LOXL2: variants seen among roughly 807,000 people sequenced by gnomAD.
LOXL2 encodes the protein lysyl oxidase homolog 2.
A neutral mutation model predicts 93.0 loss-of-function variants in LOXL2; 70 were observed. The observed-to-expected ratio is 0.75, with a 90% CI of 0.62 to 0.92. The LOEUF is 0.92. LOXL2 is among the 40% of genes least tolerant of loss of function. LOXL2 has a pLI of 0.00. For synonymous variants in LOXL2, 438 were observed against 413.2 expected (o/e 1.06, Z -0.73); for missense variants, 973 against 1,054.9 (o/e 0.92, Z 1.08).
Position 23,368,354 on chromosome 8 carries a change from C to A in LOXL2, c.-3G>T. ...TGGGAGCACAGAGGCCTCTCCATCC[C>A]TGTCTTCGGGCTGATGATCCCACGA... is the stretch of plus-strand genomic sequence containing the variant. On this transcript the variant is annotated 5_prime_UTR_variant, in exon 2 of 14. The change creates a new upstream start codon in the 5' untranslated region. Coordinates refer to ENST00000389131, the MANE Select transcript of LOXL2 (RefSeq NM_002318.3). The A allele has an allele frequency of 6.2e-7, 1 of 1,610,104 alleles. No individual in the cohort carries two copies.
chr8:23,355,051 C>T (rs1055606228), intron 3 of LOXL2, among the ~76,000 whole-genome samples: 10 of 147,820 alleles, frequency 6.8e-5, no homozygotes, highest in African/African-American at 9.9e-5. Context: ...CTCCCTCTCC[C>T]GGGTTCAACC....
chr8:23,298,095 T>G lies in LOXL2; in HGVS notation c.2273A>C (p.Lys758Thr). Residue 758 changes from lysine to threonine, a missense_variant, in exon 14 of 14, where the codon AAA becomes ACA. By Grantham distance (78) the Lys-to-Thr change is moderately conservative. Coordinates refer to ENST00000389131, the MANE Select transcript of LOXL2 (RefSeq NM_002318.3). ...GAGCCCGCTGAAGTGCTCAAACTTT[T>G]TTTCCGTCTCTTCGCTGAAGGAACC... is the stretch of plus-strand genomic sequence containing the variant. ...IGGSFSEETEKKFEHFSGLLN... is the reference protein window; with the variant it reads ...IGGSFSEETETKFEHFSGLLN... The G allele has an allele frequency of 2.5e-6, 4 of 1,613,808 alleles. No homozygotes were observed. Among genetic ancestry groups the G allele is most frequent in the Middle Eastern group, 1.7e-4 (1 of 5,766 alleles).
In LOXL2 at chr8:23,395,494, G is replaced by T. The variant is rs539596736; in HGVS notation, c.-84+8460C>A. The stretch of plus-strand genomic sequence containing the variant: ...GATGAAAACATTTTAAAGTTGACTG[G>T]GGTGATATTTGCACATATCTGTGAA... On this transcript the variant is annotated intron_variant, in intron 1 of 13. Coordinates refer to ENST00000389131, the MANE Select transcript of LOXL2 (RefSeq NM_002318.3). Among the ~76,000 whole-genome samples the T allele has an allele frequency of 3.9e-5, 6 of 152,202 alleles. No individual in the cohort carries two copies. The East Asian group carries it at 1.2e-3, about 29-fold the overall frequency.
intron 9 of LOXL2, among the ~76,000 whole-genome samples, chr8:23,316,427 C>T (rs778308711): frequency 2.6e-5 from 4 of 152,112 alleles, no homozygotes; most frequent in African/African-American, 4.8e-5. Flanking sequence ...GTCTACTGCT[C>T]CTCTTCTCTC....
chr8:23,384,369 G>A (rs1344771283), intron 1 of LOXL2, among the ~76,000 whole-genome samples: 1 of 152,196 alleles, frequency 6.6e-6, no homozygotes, highest in Non-Finnish European at 1.5e-5. Flanking sequence ...TGCTCCAGAG[G>A]GGCTGTCAAG....
chr8:23,367,441 A>G (rs1039319524), intron 2 of LOXL2, among the ~76,000 whole-genome samples: 1 of 152,190 alleles, frequency 6.6e-6, no homozygotes, highest in Non-Finnish European at 1.5e-5. Flanking sequence ...AACCCAAAGC[A>G]TCTGTGTGCC....
chr8:23,301,974 G>T (rs1585340139), intron 12 of LOXL2, 53 bp downstream of exon 12: 4 of 1,606,784 alleles, frequency 2.5e-6, no homozygotes, highest in African/African-American at 2.7e-5. Context: ...GCCTGTGGAG[G>T]TGGCCTCCCC....
chr8:23,313,386 A>T (rs1453676009), intron 9 of LOXL2, among the ~76,000 whole-genome samples: 3 of 152,098 alleles, frequency 2.0e-5, no homozygotes, highest in African/African-American at 4.8e-5. Flanking sequence ...ACACTACCTG[A>T]CTTCAAACTA....
chr8:23,379,945 C>T (rs1048436604), intron 1 of LOXL2, among the ~76,000 whole-genome samples: 5 of 151,408 alleles, frequency 3.3e-5, no homozygotes, highest in Non-Finnish European at 7.4e-5. Context: ...CACCCACTGT[C>T]CTGACCCCAC....
chr8:23,354,951 T>A (rs55984716), intron 3 of LOXL2, among the ~76,000 whole-genome samples: 759 of 18,722 alleles, frequency 0.041, 7 homozygotes, highest in East Asian at 0.1. Flanking sequence ...ATATATATAT[T>A]TTTTTTTTTT....
At chr8:23,374,471 G>A (rs903636506) in intron 1 of LOXL2, among the ~76,000 whole-genome samples, 1 of 152,130 alleles carries the variant, frequency 6.6e-6, no homozygotes, top group African/African-American at 2.4e-5. Context: ...ACCCAGTAAT[G>A]GGATGGCTGG....
At chr8:23,338,872 G>A (rs1020469193) in intron 4 of LOXL2, among the ~76,000 whole-genome samples, 6 of 152,190 alleles carry the variant, frequency 3.9e-5, no homozygotes, top group Non-Finnish European at 8.8e-5. Flanking sequence ...CTGCAGCAGG[G>A]CCAGCAGGTG....
chr8:23,337,737 TGGCACCAGGAATGGG>T (rs1192935741), intron 4 of LOXL2, among the ~76,000 whole-genome samples: 1 of 152,208 alleles, frequency 6.6e-6, no homozygotes, highest in Non-Finnish European at 1.5e-5. Context: ...TGCTCCCTCT[TGGCACCAGGAATGGG>T]GGCCTGAAGT....
rs906021454 is a variant in LOXL2, at chr8:23,333,184, C to T, written c.966+217G>A. On this transcript the variant is annotated intron_variant, in intron 5 of 13. Coordinates refer to ENST00000389131, the MANE Select transcript of LOXL2 (RefSeq NM_002318.3). ...CTGCTCCTGCTGGGTAAGCGGACAG[C>T]GCACCAACAGCCTGTGACAACTGAT... Among the ~76,000 whole-genome samples the T allele has an allele frequency of 2.6e-5, 4 of 152,300 alleles. No homozygotes were observed. The East Asian group carries it at 7.8e-4, about 30-fold the overall frequency.
chr8:23,354,607 T>TGTGTGTGTGTGTGTGTGTGTGTGTGTG (rs1563200049), intron 3 of LOXL2, among the ~76,000 whole-genome samples: 2 of 149,330 alleles, frequency 1.3e-5, no homozygotes, highest in African/African-American at 5.0e-5. Flanking sequence ...TGTGTGTGTG[T>TGTGTGTGTGTGTGTGTGTGTGTGTGTG]TCTCACACAC....
intron 8 of LOXL2, among the ~76,000 whole-genome samples, chr8:23,319,354 G>A (rs1269407140): frequency 6.6e-6 from 1 of 152,190 alleles, no homozygotes; most frequent in Non-Finnish European, 1.5e-5. Context: ...AGGGGGCAGT[G>A]GGAGGAAGTG....
intron 1 of LOXL2, among the ~76,000 whole-genome samples, chr8:23,369,263 G>C (rs1019840135): frequency 6.6e-6 from 1 of 152,160 alleles, no homozygotes; most frequent in Non-Finnish European, 1.5e-5. Context: ...CATCGTATCT[G>C]GTGGAGCCTA....
chr8:23,347,803 T>TA lies in LOXL2; in HGVS notation c.532-6601dup, dbSNP rs975683343. Among the ~76,000 whole-genome samples, 1,115 of 146,654 alleles carry TA rather than the reference T, an allele frequency of 7.6e-3. 15 individuals are homozygous for TA. Among genetic ancestry groups the TA allele is most frequent in the African/African-American group, 0.025 (1,024 of 40,258 alleles). On this transcript the variant is annotated intron_variant, in intron 3 of 13. Coordinates refer to ENST00000389131, the MANE Select transcript of LOXL2 (RefSeq NM_002318.3). ...AGGCAACAGAATGAGACCTCATTTC[T>TA]AAAAAAAAAAAGTTAAAAAATTAGC... is the stretch of plus-strand genomic sequence containing the variant.
At chr8:23,318,425 G>GCACACACACACA (rs59051890) in intron 8 of LOXL2, among the ~76,000 whole-genome samples, 2 of 145,750 alleles carry the variant, frequency 1.4e-5, no homozygotes, top group East Asian at 2.0e-4. Context: ...TTGGTTGATA[G>GCACACACACACA]CACACACACA....
Sources: allele counts gnomAD v4.1 joint callset (sites outside exome capture counted in the v4.1 genomes callset), GRCh38; gene constraint gnomAD v4.1.1; transcripts MANE v1.5; gene names NCBI Gene and HGNC (gene_info 2026-07-23, HGNC 2026-07-21).